GUCY1A2: variants seen among roughly 807,000 people sequenced by gnomAD.
GUCY1A2 encodes guanylate cyclase soluble subunit alpha-2.
Under a neutral mutation model 63.5 loss-of-function variants are expected in GUCY1A2, and 27 were observed. The ratio of observed to expected loss-of-function variants is 0.43; its 90% CI spans 0.31 to 0.59. GUCY1A2 has a LOEUF of 0.59. Ranked by LOEUF, GUCY1A2 falls within the 20% of genes least tolerant of loss-of-function variation. The pLI, the probability that GUCY1A2 is intolerant of heterozygous loss-of-function variation, is 0.11. For missense variants in GUCY1A2, 768 were observed against 913.3 expected, an observed-to-expected ratio of 0.84 and a Z score of 2.05; for synonymous variants, 364 against 343.5, an observed-to-expected ratio of 1.06 and a Z score of -0.66.
chr11:106,941,181 A>G (rs1375671277), intron 3 of GUCY1A2, among the ~76,000 whole-genome samples: 1 of 152,208 alleles, frequency 6.6e-6, no homozygotes, highest in East Asian at 1.9e-4. Context: ...ATCTGATGAG[A>G]CAGAATTAAA....
At chr11:106,815,238 G>C (rs1311666086) in intron 4 of GUCY1A2, among the ~76,000 whole-genome samples, 1 of 151,834 alleles carries the variant, frequency 6.6e-6, no homozygotes, top group African/African-American at 2.4e-5. Flanking sequence ...TACTCAATCT[G>C]AACAACAGAG....
intron 3 of GUCY1A2, among the ~76,000 whole-genome samples, chr11:106,941,769 C>A (rs2119982702): frequency 6.6e-6 from 1 of 152,302 alleles, no homozygotes; most frequent in East Asian, 1.9e-4. Flanking sequence ...ACTATAGAGT[C>A]TAAAACTTCT....
chr11:106,849,251 G>A (rs1423417149), intron 4 of GUCY1A2, among the ~76,000 whole-genome samples: 1 of 151,324 alleles, frequency 6.6e-6, no homozygotes, highest in Non-Finnish European at 1.5e-5. Flanking sequence ...AGTGAACTGT[G>A]TTAGGTCTTT....
chr11:106,801,174 G>T (rs1858597565), intron 5 of GUCY1A2, among the ~76,000 whole-genome samples: 1 of 151,978 alleles, frequency 6.6e-6, no homozygotes, highest in Non-Finnish European at 1.5e-5. Flanking sequence ...CCTTAAAAAA[G>T]GAAACCTAGT....
chr11:106,824,942 A>T (rs1379586659), intron 4 of GUCY1A2: 1 of 1,613,250 alleles, frequency 6.2e-7, no homozygotes, highest in Non-Finnish European at 8.5e-7. Context: ...AGAAAAGAAA[A>T]ATCGATGATG....
At chr11:106,826,185 T>C (rs1194570619) in intron 4 of GUCY1A2, among the ~76,000 whole-genome samples, 2 of 152,238 alleles carry the variant, frequency 1.3e-5, no homozygotes, top group African/African-American at 4.8e-5. Context: ...GTGGTCAGTG[T>C]TGTATTGGAA....
rs1047266737 is a variant in GUCY1A2, at chr11:106,683,017, C to T, written c.*4532G>A. The T allele has an allele frequency of 1.4e-5, 3 of 217,088 alleles. No homozygotes were observed. The highest frequency in any genetic ancestry group is 6.7e-5 in the African/African-American group (3 of 44,492). 13.4% of individuals were successfully genotyped at this position (217,088 alleles called of 1,614,324 possible). ...AAATTGAGTCCATAGCTGAGGTCAA[C>T]TTACCCATTTAACAATAAATTTTGT... On this transcript the variant is annotated 3_prime_UTR_variant, in exon 8 of 8. Transcript: ENST00000526355.
chr11:106,737,271 T>C (rs1863607121), intron 6 of GUCY1A2, among the ~76,000 whole-genome samples: 1 of 152,164 alleles, frequency 6.6e-6, no homozygotes, highest in Non-Finnish European at 1.5e-5. Flanking sequence ...CCCGTGATAG[T>C]TAACTAGTTA....
At chr11:106,897,845 A>C (rs146029845) in intron 4 of GUCY1A2, among the ~76,000 whole-genome samples, 125 of 152,250 alleles carry the variant, frequency 8.2e-4, no homozygotes, top group African/African-American at 2.9e-3. Flanking sequence ...ATTTAAAAAA[A>C]TTGATGAACT....
chr11:107,010,189 C>T (rs537560020), intron 1 of GUCY1A2, among the ~76,000 whole-genome samples: 3 of 152,312 alleles, frequency 2.0e-5, no homozygotes, highest in African/African-American at 4.8e-5. Context: ...TTTCCCACTG[C>T]CCTACCTCCT....
Position 106,803,896 on chromosome 11 carries a change from G to A in GUCY1A2, c.1692+6097C>T, listed in dbSNP as rs145156244. Among the ~76,000 whole-genome samples, 12 of 152,242 alleles carry A rather than the reference G, an allele frequency of 7.9e-5. No individual in the cohort carries two copies. The East Asian group carries it at 2.1e-3, about 27-fold the overall frequency. ...ACCAAAGTGCTCGCCAAAGGCAAACGTATAAATGAGGTTAAACCCTCTTCA... is the reference window on the plus strand; with the variant it reads ...ACCAAAGTGCTCGCCAAAGGCAAACATATAAATGAGGTTAAACCCTCTTCA... On this transcript the variant is annotated intron_variant, in intron 5 of 7. Coordinates refer to ENST00000526355, the MANE Select transcript of GUCY1A2 (RefSeq NM_000855.3).
At chr11:106,882,772 T>A (rs555573945) in intron 4 of GUCY1A2, among the ~76,000 whole-genome samples, 2 of 152,070 alleles carry the variant, frequency 1.3e-5, no homozygotes, top group South Asian at 4.1e-4. Flanking sequence ...AGAAGAAAAT[T>A]TGTCCCCAGT....
At chr11:106,917,711 C>G in intron 4 of GUCY1A2, among the ~76,000 whole-genome samples, 1 of 132,490 alleles carries the variant, frequency 7.5e-6, no homozygotes, top group Non-Finnish European at 1.6e-5. Context: ...CCAAACACCG[C>G]ATGTTCTCAC....
chr11:106,848,919 A>T (rs1859314399), intron 4 of GUCY1A2, among the ~76,000 whole-genome samples: 1 of 151,660 alleles, frequency 6.6e-6, no homozygotes, highest in African/African-American at 2.4e-5. Flanking sequence ...TGTGAGAGGA[A>T]AAGTTACGTT....
At chr11:106,869,085 T>C (rs540967612) in intron 4 of GUCY1A2, among the ~76,000 whole-genome samples, 117 of 152,304 alleles carry the variant, frequency 7.7e-4, no homozygotes, top group African/African-American at 2.8e-3. Context: ...ATCCCTTCTT[T>C]ACACCTTATA....
intron 6 of GUCY1A2, among the ~76,000 whole-genome samples, chr11:106,709,137 T>C (rs1035299920): frequency 1.8e-5 from 2 of 114,114 alleles, no homozygotes; most frequent in African/African-American, 6.0e-5. Context: ...AAGGATATAG[T>C]TATATATATT....
Position 106,676,953 on chromosome 11 carries a change from A to G in GUCY1A2, c.*10596T>C, listed in dbSNP as rs140413802. ...CACACATAGATTTTTATAGACCCACATTTCTCTTGACTGACAGTCTCTGGA... is the reference window on the plus strand; with the variant it reads ...CACACATAGATTTTTATAGACCCACGTTTCTCTTGACTGACAGTCTCTGGA... On this transcript the variant is annotated 3_prime_UTR_variant, in exon 8 of 8. Coordinates refer to ENST00000526355, the MANE Select transcript of GUCY1A2 (RefSeq NM_000855.3). 834 of 210,400 alleles carry G rather than the reference A, an allele frequency of 4.0e-3. 9 individuals carry two copies. Among genetic ancestry groups the G allele is most frequent in the African/African-American group, 0.017 (772 of 44,204 alleles). The allele number at this position is 210,400 out of a possible 1,614,324, so 13.0% of individuals were successfully genotyped here. A position where few individuals can be genotyped will look rare whatever the true frequency, so the allele number is the denominator to read the frequency against.
At chr11:106,882,689 C>G (rs138973921) in intron 4 of GUCY1A2, among the ~76,000 whole-genome samples, 39 of 152,018 alleles carry the variant, frequency 2.6e-4, no homozygotes, top group Non-Finnish European at 4.6e-4. Flanking sequence ...TCTGTAATTT[C>G]CCCAGCATTA....
intron 4 of GUCY1A2, among the ~76,000 whole-genome samples, chr11:106,810,879 A>G (rs971551294): frequency 6.6e-6 from 1 of 152,164 alleles, no homozygotes; most frequent in African/African-American, 2.4e-5. Flanking sequence ...TTTAACTGTC[A>G]TTAAAATAAT....
Sources: gnomAD v4.1 joint callset for allele counts (sites outside exome capture counted in the v4.1 genomes callset) on GRCh38, gnomAD v4.1.1 for gene constraint, MANE v1.5 for transcripts, NCBI Gene and HGNC (gene_info 2026-07-23, HGNC 2026-07-21) for gene names.